The following ZPBP variants were observed in gnomAD, a reference collection of about 807,000 sequenced individuals.
ZPBP encodes the protein zona pellucida-binding protein 1.
In ZPBP, 26 loss-of-function variants were observed where a neutral mutation model predicts 44.8. The observed-to-expected ratio is 0.58, with a 90% CI of 0.43 to 0.81. The LOEUF (loss-of-function observed/expected upper bound fraction) is 0.81. ZPBP is among the 30% of genes least tolerant of loss of function. The pLI is 0.00. For missense variants in ZPBP, 409 were observed against 434.0 expected (o/e 0.94, Z 0.51); for synonymous variants, 174 against 153.2 (o/e 1.14, Z -1.00).
intron 5 of ZPBP, among the ~76,000 whole-genome samples, chr7:50,026,199 G>C (rs866230069): frequency 2.6e-5 from 4 of 151,748 alleles, no homozygotes; most frequent in African/African-American, 4.8e-5. Flanking sequence ...AAGATGCAAA[G>C]AAATGCATTA....
At chr7:50,069,651 CT>C (rs1304723654) in intron 3 of ZPBP, among the ~76,000 whole-genome samples, 2 of 151,714 alleles carry the variant, frequency 1.3e-5, no homozygotes, top group African/African-American at 4.8e-5. Context: ...ACCACTAAAT[CT>C]TTTTTTTTAA....
intron 5 of ZPBP, among the ~76,000 whole-genome samples, chr7:50,027,030 C>T (rs1443886424): frequency 3.9e-5 from 6 of 151,926 alleles, no homozygotes; most frequent in Admixed American, 6.6e-5. Context: ...GAACACGGAA[C>T]GTTAAGTTAC....
chr7:49,842,471 G>A, the ZPBP span, among the ~76,000 whole-genome samples: 3 of 152,254 alleles, frequency 2.0e-5, no homozygotes, highest in South Asian at 6.2e-4. Context: ...AGATAATACA[G>A]GAGAGTAAAT....
At chr7:50,004,257 C>G (rs62445458) in intron 6 of ZPBP, among the ~76,000 whole-genome samples, 27,892 of 151,908 alleles carry the variant, frequency 0.18, 3,634 homozygotes, top group East Asian at 0.62. Context: ...TCTTCCCATG[C>G]CAGATGCTTG....
chr7:49,871,867 G>T (rs1485190615), intron 2 of ZPBP, among the ~76,000 whole-genome samples: 1 of 140,364 alleles, frequency 7.1e-6, no homozygotes, highest in Non-Finnish European at 1.5e-5. Flanking sequence ...ACATACATAT[G>T]TGCATATATA....
intron 5 of ZPBP, among the ~76,000 whole-genome samples, chr7:50,027,381 C>G (rs1799386370): frequency 6.6e-6 from 1 of 151,410 alleles, no homozygotes. Context: ...ACAAACAGGT[C>G]AAAAAAATTA....
chr7:49,982,270 A>AT (rs1797038642), intron 7 of ZPBP, among the ~76,000 whole-genome samples: 1 of 106,646 alleles, frequency 9.4e-6, no homozygotes, highest in Non-Finnish European at 1.8e-5. Flanking sequence ...TATATATTAT[A>AT]TATAATTTAT....
rs528625455 is a variant in ZPBP, at chr7:49,880,556, A to AT, written n.509+20561dup. ...TTTTCATCAATTTTTATAAATTGTG[A>AT]TTTTTTATCATTTCTATTTTTTATT... On this transcript the variant is annotated intron_variant and non_coding_transcript_variant, in intron 2 of 2. Coordinates refer to the ZPBP transcript ENST00000465922. Among the ~76,000 whole-genome samples the AT allele has an allele frequency of 2.5e-4, 38 of 151,044 alleles. No individual in the cohort carries two copies. In the East Asian group the frequency reaches 6.0e-3, roughly 24 times the overall value.
chr7:50,053,306 C>G lies in ZPBP; in HGVS notation c.487+4683G>C, dbSNP rs1800779573. Among the ~76,000 whole-genome samples the G allele has an allele frequency of 3.3e-5, 5 of 152,136 alleles. No individual in the cohort carries two copies. In the South Asian group the frequency reaches 1.0e-3, roughly 32 times the overall value. ...AAGGTTTAACTTGCCTTTTCAGGAC[C>G]ATTCTCAGTCTACTTTTCTAAACTA... On this transcript the variant is annotated intron_variant, in intron 4 of 7. Transcript: ENST00000046087.
Position 50,031,329 on chromosome 7 carries a change from A to C in ZPBP, c.488-19T>G. The stretch of plus-strand genomic sequence containing the variant: ...CGATAAGCTGTAAAAAATTAACAAG[A>C]GAAAGACACAAAAATGGTTATTTAA... On this transcript the variant is annotated intron_variant, in intron 4 of 7. Coordinates refer to ENST00000046087, the MANE Select transcript of ZPBP (RefSeq NM_007009.3). The C allele has an allele frequency of 6.4e-7, 1 of 1,572,486 alleles. No homozygotes were observed. The highest frequency in any genetic ancestry group is 8.7e-7 in the Non-Finnish European group (1 of 1,150,646).
chr7:50,020,627 T>C (rs1199742027), intron 5 of ZPBP, among the ~76,000 whole-genome samples: 2 of 152,058 alleles, frequency 1.3e-5, no homozygotes, highest in African/African-American at 4.8e-5. Flanking sequence ...TACAATCACC[T>C]AGCTTTTTGT....
chr7:49,945,775 G>C (rs886619290), intron 7 of ZPBP, among the ~76,000 whole-genome samples: 1 of 151,988 alleles, frequency 6.6e-6, no homozygotes, highest in African/African-American at 2.4e-5. Context: ...GTTGGGTCTT[G>C]TGTTTTTATC....
At chr7:49,990,619 T>G (rs1480802175) in intron 6 of ZPBP, among the ~76,000 whole-genome samples, 1 of 150,880 alleles carries the variant, frequency 6.6e-6, no homozygotes, top group Non-Finnish European at 1.5e-5. Flanking sequence ...TAAGTATATA[T>G]GGGGGGGGAC....
chr7:50,083,963 A>C (rs1802501298), intron 2 of ZPBP, among the ~76,000 whole-genome samples: 1 of 152,024 alleles, frequency 6.6e-6, no homozygotes, highest in African/African-American at 2.4e-5. Flanking sequence ...AACTTCTTAA[A>C]TGGTAACACT....
chr7:50,054,989 G>A (rs1800863643), intron 4 of ZPBP, among the ~76,000 whole-genome samples: 1 of 152,104 alleles, frequency 6.6e-6, no homozygotes, highest in African/African-American at 2.4e-5. Flanking sequence ...CAGCATTAAA[G>A]GGGTTTTAGA....
At chr7:49,950,617 GTACACATATAAA>G in intron 7 of ZPBP, among the ~76,000 whole-genome samples, 1 of 151,444 alleles carries the variant, frequency 6.6e-6, no homozygotes, top group Non-Finnish European at 1.5e-5. Flanking sequence ...CTATTTATAT[GTACACATATAAA>G]TACACAAATT....
intron 4 of ZPBP, among the ~76,000 whole-genome samples, chr7:50,053,524 T>C (rs1287879956): frequency 6.6e-6 from 1 of 152,228 alleles, no homozygotes; most frequent in African/African-American, 2.4e-5. Context: ...GTTACATTAT[T>C]TCCTTAGCTT....
intron 3 of ZPBP, among the ~76,000 whole-genome samples, chr7:50,080,568 C>A (rs1274215901): frequency 2.0e-5 from 3 of 151,530 alleles, no homozygotes; most frequent in African/African-American, 7.3e-5. Flanking sequence ...CAAAAAATGA[C>A]AATAAAAAAT....
At chr7:50,022,263 G>A (rs1270535684) in intron 5 of ZPBP, among the ~76,000 whole-genome samples, 6 of 151,990 alleles carry the variant, frequency 3.9e-5, no homozygotes, top group Non-Finnish European at 7.4e-5. Context: ...ATAACAGTCA[G>A]TATTCTTTTT....
Sources: allele counts gnomAD v4.1 joint callset (sites outside exome capture counted in the v4.1 genomes callset), GRCh38; gene constraint gnomAD v4.1.1; transcripts MANE v1.5; gene names NCBI Gene and HGNC (gene_info 2026-07-23, HGNC 2026-07-21).